The following TUSC3 variants were observed in gnomAD, a reference collection of about 807,000 sequenced individuals.
TUSC3 encodes dolichyl-diphosphooligosaccharide--protein glycosyltransferase subunit TUSC3.
TUSC3 carries 45 observed loss-of-function variants against 44.8 expected under a neutral mutation model. The observed-to-expected ratio is 1.00, with a 90% CI of 0.79 to 1.29. TUSC3 has a LOEUF of 1.29. TUSC3 is among the 50% of genes most tolerant of loss of function. TUSC3 has a pLI of 0.00. For missense variants in TUSC3, 519 were observed against 437.9 expected (o/e 1.19, Z -1.65); for synonymous variants, 212 against 152.9 (o/e 1.39, Z -2.85).
At chr8:15,491,702 C>T (rs74790629) in intron 2 of TUSC3, among the ~76,000 whole-genome samples, 2 of 152,286 alleles carry the variant, frequency 1.3e-5, no homozygotes, top group East Asian at 1.9e-4. Context: ...TAAGGCTAAG[C>T]ACCATCTGGG....
At chr8:15,662,890 G>A (rs552317474) in intron 5 of TUSC3, among the ~76,000 whole-genome samples, 1 of 151,920 alleles carries the variant, frequency 6.6e-6, no homozygotes, top group South Asian at 2.1e-4. Context: ...TTCCCAGATT[G>A]TGACATGAGC....
At chr8:15,585,949 C>A in intron 1 of TUSC3, among the ~76,000 whole-genome samples, 1 of 152,042 alleles carries the variant, frequency 6.6e-6, no homozygotes, top group East Asian at 1.9e-4. Context: ...CATAGAATTC[C>A]TACGGAATAA....
At chr8:15,727,895 A>T (rs1361324645) in intron 6 of TUSC3, among the ~76,000 whole-genome samples, 1 of 152,162 alleles carries the variant, frequency 6.6e-6, no homozygotes, top group Non-Finnish European at 1.5e-5. Flanking sequence ...ATCCTATTTT[A>T]AAAATAATTG....
intron 1 of TUSC3, among the ~76,000 whole-genome samples, chr8:15,474,046 T>G (rs1045406492): frequency 4.6e-5 from 7 of 152,130 alleles, no homozygotes; most frequent in African/African-American, 1.7e-4. Context: ...CCGCCAGGAA[T>G]GCATTCTTCC....
At chr8:15,724,784 G>A (rs1218485543) in intron 6 of TUSC3, among the ~76,000 whole-genome samples, 1 of 152,168 alleles carries the variant, frequency 6.6e-6, no homozygotes, top group Non-Finnish European at 1.5e-5. Flanking sequence ...AAAGAAAATA[G>A]ATGGGAAAAG....
At chr8:15,531,272 T>C (rs948397776) in intron 2 of TUSC3, among the ~76,000 whole-genome samples, 5 of 152,174 alleles carry the variant, frequency 3.3e-5, no homozygotes, top group African/African-American at 1.2e-4. Context: ...ATTTATTTAT[T>C]TATTTAGAGA....
intron 1 of TUSC3, among the ~76,000 whole-genome samples, chr8:15,621,271 T>G (rs1055002885): frequency 2.6e-5 from 4 of 151,608 alleles, no homozygotes; most frequent in Non-Finnish European, 5.9e-5. Context: ...ACTGGAGACT[T>G]TAAAACTTAT....
intron 6 of TUSC3, among the ~76,000 whole-genome samples, chr8:15,716,149 G>A (rs369748494): frequency 1.2e-4 from 19 of 152,020 alleles, no homozygotes; most frequent in South Asian, 2.1e-4. Flanking sequence ...CCAGTTACTC[G>A]GGAGGCTGAG....
At chr8:15,565,437 T>C (rs897748143) in intron 1 of TUSC3, among the ~76,000 whole-genome samples, 3 of 152,092 alleles carry the variant, frequency 2.0e-5, no homozygotes, top group Admixed American at 6.5e-5. Flanking sequence ...AACATGGACA[T>C]CTTTGGTGGG....
At chr8:15,746,126 G>C (rs1264075046) in intron 8 of TUSC3, among the ~76,000 whole-genome samples, 3 of 152,030 alleles carry the variant, frequency 2.0e-5, no homozygotes, top group Non-Finnish European at 4.4e-5. Flanking sequence ...CTGTGTGGAG[G>C]AGATACTGTT....
Position 15,563,341 on chromosome 8 carries a change from A to C in TUSC3, c.138+22773A>C, listed in dbSNP as rs75259267. Among the ~76,000 whole-genome samples the C allele has an allele frequency of 3.4e-3, 516 of 152,198 alleles. 7 individuals carry two copies. The East Asian group carries it at 0.038, about 11-fold the overall frequency. On this transcript the variant is annotated intron_variant, in intron 1 of 10. Transcript: ENST00000503731. ...CCTGTTAAGTAGTCTCTGAAAGGCT[A>C]CTGTTTGCATGGTGATGTTGGAGAT...
intron 6 of TUSC3, among the ~76,000 whole-genome samples, chr8:15,681,658 C>T (rs1324622533): frequency 6.6e-6 from 1 of 151,096 alleles, no homozygotes; most frequent in African/African-American, 2.4e-5. Flanking sequence ...GATTTCTGGG[C>T]TTCAATTTCA....
intron 2 of TUSC3, among the ~76,000 whole-genome samples, chr8:15,623,599 A>C (rs1391882548): frequency 6.6e-6 from 1 of 151,570 alleles, no homozygotes; most frequent in African/African-American, 2.4e-5. Context: ...GAGAGGACTC[A>C]CTTTTATCTA....
chr8:15,706,921 C>G (rs1809641771), intron 6 of TUSC3, among the ~76,000 whole-genome samples: 1 of 151,756 alleles, frequency 6.6e-6, no homozygotes, highest in Admixed American at 6.6e-5. Flanking sequence ...ATTCAGCCAC[C>G]CAGAGCAACA....
chr8:15,442,416 A>G (rs1800032768), intron 1 of TUSC3, among the ~76,000 whole-genome samples: 1 of 152,174 alleles, frequency 6.6e-6, no homozygotes, highest in Non-Finnish European at 1.5e-5. Context: ...AGAAGGGCTA[A>G]TTTTAAATCC....
chr8:15,638,883 G>A (rs1307912750), intron 2 of TUSC3, among the ~76,000 whole-genome samples: 3 of 152,122 alleles, frequency 2.0e-5, no homozygotes, highest in Non-Finnish European at 4.4e-5. Flanking sequence ...GCTAGATCAC[G>A]TGATGTTCAG....
At chr8:15,602,688 GTGTGTGTGTA>G (rs918097930) in intron 1 of TUSC3, among the ~76,000 whole-genome samples, 6 of 148,236 alleles carry the variant, frequency 4.0e-5, no homozygotes, top group African/African-American at 1.0e-4. Context: ...GTGTGTGTGT[GTGTGTGTGTA>G]TATATGTGTA....
chr8:15,485,806 T>TTTG (rs1800726098), intron 2 of TUSC3, among the ~76,000 whole-genome samples: 5 of 147,518 alleles, frequency 3.4e-5, no homozygotes, highest in Non-Finnish European at 6.0e-5. Flanking sequence ...TTGTTTGTTT[T>TTTG]TTTGAGGCAG....
chr8:15,567,584 C>T (rs573263357), intron 1 of TUSC3, among the ~76,000 whole-genome samples: 1 of 152,202 alleles, frequency 6.6e-6, no homozygotes, highest in African/African-American at 2.4e-5. Flanking sequence ...TCTTGTATCG[C>T]TTTTTAAATA....
Sources: gnomAD v4.1 joint callset for allele counts (sites outside exome capture counted in the v4.1 genomes callset) on GRCh38, gnomAD v4.1.1 for gene constraint, MANE v1.5 for transcripts, NCBI Gene and HGNC (gene_info 2026-07-23, HGNC 2026-07-21) for gene names.